The following TNRC6A variants were observed in gnomAD, a reference collection of about 807,000 sequenced individuals.
The protein encoded by TNRC6A is trinucleotide repeat-containing gene 6A protein.
Under a neutral mutation model 221.2 loss-of-function variants are expected in TNRC6A, and 44 were observed. The observed-to-expected ratio is 0.20, with a 90% CI of 0.16 to 0.26. The LOEUF is 0.26. TNRC6A is among the 10% of genes least tolerant of loss of function. TNRC6A has a pLI of 1.00. For synonymous variants in TNRC6A, 847 were observed against 838.5 expected, an observed-to-expected ratio of 1.01 and a Z score of -0.18; for missense variants, 2,199 against 2,404.4, an observed-to-expected ratio of 0.91 and a Z score of 1.79.
intron 4 of TNRC6A, among the ~76,000 whole-genome samples, chr16:24,764,237 T>G (rs2057423713): frequency 6.6e-6 from 1 of 152,066 alleles, no homozygotes; most frequent in South Asian, 2.1e-4. Context: ...GTCTTCCAGG[T>G]TCATCCATGT....
chr16:24,793,754 C>T, intron 7 of TNRC6A, 105 bp downstream of exon 7: 1 of 947,440 alleles, frequency 1.1e-6, no homozygotes, highest in Non-Finnish European at 1.4e-6. Flanking sequence ...ATAATATATT[C>T]ATATAATGTA....
chr16:24,630,942 G>A (rs768945247), intron 1 of TNRC6A, among the ~76,000 whole-genome samples: 1 of 152,088 alleles, frequency 6.6e-6, no homozygotes, highest in Admixed American at 6.6e-5. Context: ...CTGGGGTGGA[G>A]GTGGGAAGGA....
At chr16:24,675,702 CTATATATATA>C (rs60165161) in intron 2 of TNRC6A, among the ~76,000 whole-genome samples, 458 of 33,184 alleles carry the variant, frequency 0.014, 6 homozygotes, top group African/African-American at 0.025. Flanking sequence ...CTCTCTCTCT[CTATATATATA>C]TATATATATA....
chr16:24,731,008 G>T (rs1314252281), intron 2 of TNRC6A, among the ~76,000 whole-genome samples: 2 of 145,458 alleles, frequency 1.4e-5, no homozygotes, highest in Non-Finnish European at 1.5e-5. Flanking sequence ...ATGTCTTTAT[G>T]GAATGGAAAT....
chr16:24,793,576 A>T lies in TNRC6A; in HGVS notation c.3279A>T (p.Glu1093Asp), dbSNP rs745874540. The change falls in exon 7 of 25, where the codon GAA becomes GAT. Residue 1093 changes from glutamate (E) to aspartate (D), a missense_variant. Physicochemically the swap from Glu to Asp is conservative, Grantham distance 45. Transcript: ENST00000395799. ...KPIDSGPSWG[E>D]PIAAASSTST... ...TAGACAGTGGTCCCAGCTGGGGGGA[A>T]CCCATTGCTGCGGCATCCAGCACAT... is the stretch of plus-strand genomic sequence containing the variant. 4 of 1,567,328 alleles carry T rather than the reference A, an allele frequency of 2.6e-6. No individual in the cohort carries two copies. The highest frequency in any genetic ancestry group is 1.2e-5 in the South Asian group (1 of 81,156).
chr16:24,680,928 TA>T (rs911445944), intron 2 of TNRC6A, among the ~76,000 whole-genome samples: 26 of 147,182 alleles, frequency 1.8e-4, no homozygotes, highest in South Asian at 6.5e-4. Flanking sequence ...CTCGGCTAAT[TA>T]AAAAAAAAAA....
intron 2 of TNRC6A, chr16:24,664,806 C>CAT: frequency 2.3e-6 from 1 of 436,798 alleles, no homozygotes; most frequent in Non-Finnish European, 4.5e-6. Context: ...CACACACACA[C>CAT]ACACACAAAA....
At chr16:24,819,710 T>G in intron 21 of TNRC6A, 2 of 198,908 alleles carry the variant, frequency 1.0e-5, no homozygotes, top group South Asian at 9.1e-5. Context: ...GAAGATCTCC[T>G]TTGGCAGCTC....
chr16:24,788,774 G>A (rs575228617), intron 5 of TNRC6A, among the ~76,000 whole-genome samples: 3 of 150,830 alleles, frequency 2.0e-5, no homozygotes, highest in Non-Finnish European at 4.4e-5. Flanking sequence ...TCAGCCTCCC[G>A]AGTAGCTGGG....
chr16:24,707,786 C>T (rs560694352), intron 2 of TNRC6A, among the ~76,000 whole-genome samples: 25 of 152,308 alleles, frequency 1.6e-4, no homozygotes, highest in African/African-American at 5.3e-4. Context: ...TGGGCCAGTG[C>T]GGTGGCTCAC....
intron 4 of TNRC6A, among the ~76,000 whole-genome samples, chr16:24,763,053 T>A (rs535156820): frequency 6.6e-6 from 1 of 152,296 alleles, no homozygotes; most frequent in East Asian, 1.9e-4. Flanking sequence ...TTGTGATGGG[T>A]GAGGCATTGG....
intron 2 of TNRC6A, among the ~76,000 whole-genome samples, chr16:24,643,917 C>T (rs1210712141): frequency 2.0e-5 from 3 of 152,064 alleles, no homozygotes; most frequent in African/African-American, 7.2e-5. Flanking sequence ...CCTTCAGCTT[C>T]CATAGTGGAT....
rs772247090 is a variant in TNRC6A at position 24,730,225 on chromosome 16, T to C, written c.6-28T>C. On this transcript the variant is annotated intron_variant, in intron 1 of 24. Transcript: ENST00000395799. The stretch of plus-strand genomic sequence containing the variant: ...CGTTTTTGTGTGTGTGTTTTTGTTT[T>C]GTTTTTGTTTTTGTTTTTTTGTTTC... 4.4e-6 allele frequency: 7 copies of C among 1,593,726 alleles called. No homozygotes were observed. In the South Asian group the frequency reaches 7.8e-5, roughly 18 times the overall value.
intron 2 of TNRC6A, among the ~76,000 whole-genome samples, chr16:24,658,306 A>G (rs75568803): frequency 0.018 from 2,778 of 152,212 alleles, 77 homozygotes; most frequent in African/African-American, 0.056. Flanking sequence ...CAAGGTACAA[A>G]GCCATTTCAT....
intron 5 of TNRC6A, 105 bp from the exon 6 acceptor site, chr16:24,789,124 TGAG>T (rs1418688947): frequency 2.7e-6 from 3 of 1,126,760 alleles, no homozygotes; most frequent in South Asian, 1.7e-5. Flanking sequence ...CTTGTTAAAT[TGAG>T]GAGCCACATA....
chr16:24,657,792 G>T (rs923810199), intron 2 of TNRC6A, among the ~76,000 whole-genome samples: 1 of 150,318 alleles, frequency 6.7e-6, no homozygotes, highest in Admixed American at 6.6e-5. Flanking sequence ...AGAATATTTT[G>T]TCAATTCTAT....
upstream of TNRC6A, among the ~76,000 whole-genome samples, chr16:24,725,522 A>C (rs1171604363): frequency 6.7e-6 from 1 of 149,862 alleles, no homozygotes; most frequent in Non-Finnish European, 1.5e-5. Context: ...CCAGCCTGAG[A>C]CCCCCTCCTC....
chr16:24,688,018 C>T (rs549641762), intron 2 of TNRC6A, among the ~76,000 whole-genome samples: 370 of 149,278 alleles, frequency 2.5e-3, no homozygotes, highest in African/African-American at 8.5e-3. Context: ...CTGCAAGCTC[C>T]GCCTCCTGGG....
intron 2 of TNRC6A, among the ~76,000 whole-genome samples, chr16:24,685,696 T>C (rs1418609680): frequency 1.3e-5 from 2 of 152,182 alleles, no homozygotes; most frequent in Admixed American, 1.3e-4. Context: ...ATGTCTTAAA[T>C]TCTGGTGCCA....
Sources: allele counts gnomAD v4.1 joint callset (sites outside exome capture counted in the v4.1 genomes callset), GRCh38; gene constraint gnomAD v4.1.1; transcripts MANE v1.5; gene names NCBI Gene and HGNC (gene_info 2026-07-23, HGNC 2026-07-21).